Variants in IPMK observed in about 807,000 individuals in gnomAD.
The protein encoded by IPMK is inositol polyphosphate multikinase.
Under a neutral mutation model 45.8 loss-of-function variants are expected in IPMK, and 17 were observed. The ratio of observed to expected loss-of-function variants is 0.37; its 90% CI spans 0.25 to 0.56. IPMK has a LOEUF of 0.56. IPMK is among the 20% of genes least tolerant of loss of function. The pLI, the probability that IPMK is intolerant of heterozygous loss-of-function variation, is 0.79. For missense variants in IPMK, 399 were observed against 498.0 expected (o/e 0.80, Z 1.89); for synonymous variants, 180 against 184.3 (o/e 0.98, Z 0.19).
chr10:58,246,970 C>T (rs990316608), intron 1 of IPMK, among the ~76,000 whole-genome samples: 1 of 150,178 alleles, frequency 6.7e-6, no homozygotes, highest in East Asian at 2.0e-4. Context: ...AAAAAACAAA[C>T]AACCCCATCA....
chr10:58,257,457 T>C (rs1425165527), intron 1 of IPMK, among the ~76,000 whole-genome samples: 2 of 152,028 alleles, frequency 1.3e-5, no homozygotes, highest in Non-Finnish European at 2.9e-5. Context: ...ATTATGCCAC[T>C]GCACTCCAGC....
At chr10:58,212,554 A>G in intron 4 of IPMK, 1 of 215,844 alleles carries the variant, frequency 4.6e-6, no homozygotes. Context: ...CCATTTCTGA[A>G]CCACCCTTAA....
In IPMK at chr10:58,198,769, G is replaced by A. The variant is rs938093903; in HGVS notation, c.628+471C>T. Reference sequence around the variant, plus strand: ...CAGATTTTATTTAAATCAGTTTAATGCCACTTAATTATTCATTATGTAGCT... The same window carrying A: ...CAGATTTTATTTAAATCAGTTTAATACCACTTAATTATTCATTATGTAGCT... On this transcript the variant is annotated intron_variant, in intron 5 of 5. Coordinates refer to ENST00000373935, the MANE Select transcript of IPMK (RefSeq NM_152230.5). 3.9e-5 allele frequency among the ~76,000 whole-genome samples: 6 copies of A among 152,168 alleles called. No individual in the cohort carries two copies. In the South Asian group the frequency reaches 1.0e-3, roughly 26 times the overall value.
intron 1 of IPMK, among the ~76,000 whole-genome samples, chr10:58,246,892 C>T (rs188588510): frequency 7.7e-4 from 117 of 151,152 alleles, no homozygotes; most frequent in East Asian, 1.6e-3. Context: ...AGAAAATTTT[C>T]GCAACCTACT....
chr10:58,211,830 C>CT (rs375985583), intron 4 of IPMK, among the ~76,000 whole-genome samples: 9 of 152 alleles, frequency 0.059, no homozygotes, highest in Non-Finnish European at 0.12. Context: ...CAGGAGGATC[C>CT]GGAACCCAGG....
rs1436816093 is a variant in IPMK at position 58,238,548 on chromosome 10, A to T, written c.191-734T>A. On this transcript the variant is annotated intron_variant, in intron 1 of 5. Coordinates refer to ENST00000373935, the MANE Select transcript of IPMK (RefSeq NM_152230.5). Reference sequence around the variant, plus strand: ...ATTTTGATGTGTTGGGATTTTATAAAATCATGCTAGCTAGAATATGGCTCA... The same window carrying T: ...ATTTTGATGTGTTGGGATTTTATAATATCATGCTAGCTAGAATATGGCTCA... Among the ~76,000 whole-genome samples the T allele has an allele frequency of 2.0e-5, 3 of 152,250 alleles. No individual in the cohort carries two copies. In the East Asian group the frequency reaches 5.8e-4, roughly 29 times the overall value.
At chr10:58,199,447 A>G (rs1279870182) in intron 4 of IPMK, 126 bp from the exon 5 acceptor site, 2 of 537,788 alleles carry the variant, frequency 3.7e-6, no homozygotes, top group South Asian at 3.9e-5. Context: ...TTGAGAAGAA[A>G]AAAAAAAATC....
At chr10:58,264,471 T>C (rs1438516868) in intron 1 of IPMK, among the ~76,000 whole-genome samples, 1 of 152,200 alleles carries the variant, frequency 6.6e-6, no homozygotes, top group African/African-American at 2.4e-5. Context: ...GATCAAGAAA[T>C]ATCAGATTTC....
chr10:58,208,724 T>C (rs1838109700), intron 4 of IPMK, among the ~76,000 whole-genome samples: 1 of 152,230 alleles, frequency 6.6e-6, no homozygotes, highest in Non-Finnish European at 1.5e-5. Flanking sequence ...AGGGATCTCT[T>C]GAAGCTTATC....
At position 58,267,637 on chromosome 10, in the gene IPMK, A is replaced by T; in HGVS notation, c.-26T>A. 1 of 1,528,344 alleles carries T rather than the reference A, an allele frequency of 6.5e-7. No individual in the cohort carries two copies. The highest frequency in any genetic ancestry group is 8.9e-7 in the Non-Finnish European group (1 of 1,123,476). 94.7% of individuals were successfully genotyped at this position (1,528,344 alleles called of 1,614,324 possible). A position where few individuals can be genotyped will look rare whatever the true frequency, so the allele number is the denominator to read the frequency against. ...AACGGAGAGCAGAAGCGGTAACGGC[A>T]GCGAGAGTAGGAAAAAAAATAGGGC... On this transcript the variant is annotated 5_prime_UTR_variant, in exon 1 of 6. Transcript: ENST00000373935.
chr10:58,217,151 T>C (rs373427667), intron 3 of IPMK, among the ~76,000 whole-genome samples: 3 of 139,578 alleles, frequency 2.1e-5, no homozygotes, highest in Non-Finnish European at 4.6e-5. Flanking sequence ...GCCCAGCCCA[T>C]CTTGCTTTTT....
At position 58,196,278 on chromosome 10, in the gene IPMK, G is replaced by A. The variant is rs1213511667; in HGVS notation, c.1049C>T (p.Ser350Leu). 1.9e-6 allele frequency: 3 copies of A among 1,613,868 alleles called. No homozygotes were observed. The highest frequency in any genetic ancestry group is 2.5e-6 in the Non-Finnish European group (3 of 1,179,918). ...TACATTTCCATTTAAATGTTCCTGT[G>A]ACATGCTTTTCCACCCATTGTCTTG... is the stretch of plus-strand genomic sequence containing the variant. ...LEQDNGWKSM[S>L]QEHLNGNVLS... is the part of the protein sequence containing the mutation. The change falls in exon 6 of 6, where the codon TCA (serine) becomes TTA (leucine). Residue 350 changes from serine (S) to leucine (L), a missense_variant. This residue lies in a region of IPMK where 288 missense variants were observed against 398.0 expected (regional missense o/e 0.72). Coordinates refer to ENST00000373935, the MANE Select transcript of IPMK (RefSeq NM_152230.5).
intron 2 of IPMK, among the ~76,000 whole-genome samples, chr10:58,227,465 T>C (rs549161491): frequency 6.6e-6 from 1 of 152,308 alleles, no homozygotes; most frequent in South Asian, 2.1e-4. Context: ...TTCTTCTGAC[T>C]TTCCTCCATG....
Position 58,259,671 on chromosome 10 carries a change from T to TAAAAAAAAAAAAAAAAA in IPMK, c.190+7750_190+7751insTTTTTTTTTTTTTTTTT, listed in dbSNP as rs560813021. Among the ~76,000 whole-genome samples the TAAAAAAAAAAAAAAAAA allele has an allele frequency of 2.8e-3, 244 of 86,578 alleles. 15 individuals carry two copies. Among genetic ancestry groups the TAAAAAAAAAAAAAAAAA allele is most frequent in the Middle Eastern group, 5.8e-3 (1 of 172 alleles). 56.8% of individuals were successfully genotyped at this position (86,578 alleles called of 152,430 possible). On this transcript the variant is annotated intron_variant, in intron 1 of 5. Transcript: ENST00000373935. Reference sequence around the variant, plus strand: ...AGCATGGTAAAATCCCATCTCTACATAAAAAAAAAAAAAAAACAATTAGCC... The same window carrying TAAAAAAAAAAAAAAAAA: ...AGCATGGTAAAATCCCATCTCTACATAAAAAAAAAAAAAAAAAAAAAAAAAAAAAAAAACAATTAGCC...
chr10:58,207,128 G>C (rs1332914132), intron 4 of IPMK, among the ~76,000 whole-genome samples: 4 of 152,092 alleles, frequency 2.6e-5, no homozygotes, highest in South Asian at 2.1e-4. Flanking sequence ...TCAGCCTCCT[G>C]AGTAGCTAGG....
chr10:58,244,941 G>C lies in IPMK; in HGVS notation c.191-7127C>G, dbSNP rs1164694040. Among the ~76,000 whole-genome samples the C allele has an allele frequency of 2.6e-5, 4 of 151,644 alleles. No individual in the cohort carries two copies. In the South Asian group the frequency reaches 8.3e-4, roughly 31 times the overall value. On this transcript the variant is annotated intron_variant, in intron 1 of 5. Coordinates refer to ENST00000373935, the MANE Select transcript of IPMK (RefSeq NM_152230.5). ...GGGACCTCTGCCTAGGAAAACCAGA[G>C]ACCTTTGTTCTCATGTTTATCTGCT...
intron 2 of IPMK, among the ~76,000 whole-genome samples, chr10:58,230,633 C>T (rs531973234): frequency 6.6e-6 from 1 of 152,012 alleles, no homozygotes; most frequent in Admixed American, 6.6e-5. Flanking sequence ...GCATCAACAT[C>T]AACAAAAAGG....
Position 58,196,530 on chromosome 10 carries a change from G to T in IPMK, c.797C>A (p.Thr266Lys), listed in dbSNP as rs781190690. ...VYEGSSQPTT[T>K]KLNDRTLAEK... ...TGCCAAAGTTCTGTCATTCAATTTTGTAGTGGTTGGCTGAGATGAACCTTC... is the reference window on the plus strand; with the variant it reads ...TGCCAAAGTTCTGTCATTCAATTTTTTAGTGGTTGGCTGAGATGAACCTTC... Residue 266 changes from threonine to lysine, a missense_variant, in exon 6 of 6, where the codon ACA becomes AAA. This residue lies in a region of IPMK where 288 missense variants were observed against 398.0 expected (regional missense o/e 0.72). Transcript: ENST00000373935. 8 of 1,613,816 alleles carry T rather than the reference G, an allele frequency of 5.0e-6. No homozygotes were observed. Among genetic ancestry groups the T allele is most frequent in the Non-Finnish European group, 5.9e-6 (7 of 1,180,004 alleles).
intron 2 of IPMK, among the ~76,000 whole-genome samples, chr10:58,235,781 G>A (rs1838602078): frequency 6.6e-6 from 1 of 151,956 alleles, no homozygotes; most frequent in Admixed American, 6.6e-5. Context: ...TGCACGTTGT[G>A]CACATGTATC....
Sources: gnomAD v4.1 joint callset for allele counts (sites outside exome capture counted in the v4.1 genomes callset) on GRCh38, gnomAD v4.1.1 for gene constraint, gnomAD v4.1.1 regional missense constraint, MANE v1.5 for transcripts, NCBI Gene and HGNC (gene_info 2026-07-23, HGNC 2026-07-21) for gene names.